The following MCF2L variants were observed in gnomAD, a reference collection of about 807,000 sequenced individuals.
MCF2L encodes the protein MCF.2 cell line derived transforming sequence like.
In MCF2L, 97 loss-of-function variants were observed where a neutral mutation model predicts 153.4. That is an observed-to-expected ratio of 0.63 (90% CI 0.54 to 0.75). The LOEUF is 0.75. Among genes scored for constraint, MCF2L ranks in the 30% least tolerant of loss-of-function variants. The probability of loss-of-function intolerance (pLI) is 0.00; values close to 1 mark genes in which losing one functional copy is unlikely to be tolerated. For missense variants in MCF2L, 1,347 were observed against 1,495.2 expected, an observed-to-expected ratio of 0.90 and a Z score of 1.64; for synonymous variants, 659 against 632.2, an observed-to-expected ratio of 1.04 and a Z score of -0.64.
chr13:113,039,192 C>T (rs1339692297), intron 3 of MCF2L, among the ~76,000 whole-genome samples: 2 of 152,164 alleles, frequency 1.3e-5, no homozygotes, highest in Non-Finnish European at 2.9e-5. Context: ...TTAAGTGATA[C>T]TGTAGCACAG....
At chr13:112,987,566 G>A (rs995878246) in intron 1 of MCF2L, among the ~76,000 whole-genome samples, 5 of 152,260 alleles carry the variant, frequency 3.3e-5, no homozygotes, top group Non-Finnish European at 7.3e-5. Flanking sequence ...GACTAAGGAG[G>A]AGGCCGGGTG....
At chr13:112,979,601 T>C (rs2082330545) in intron 1 of MCF2L, 1 of 1,604,610 alleles carries the variant, frequency 6.2e-7, no homozygotes, top group Non-Finnish European at 8.5e-7. Flanking sequence ...GGGGGTCGCC[T>C]GTGGTCCCTG....
rs2032809320 is a variant in MCF2L at position 113,070,593 on chromosome 13, C to T, written c.996+420C>T. ...CAGTGCAGCCAGACCCAGACGTCTCCCTCCTGCGGCCCTTCGTGGACTCAC... is the reference window on the plus strand; with the variant it reads ...CAGTGCAGCCAGACCCAGACGTCTCTCTCCTGCGGCCCTTCGTGGACTCAC... On this transcript the variant is annotated intron_variant, in intron 9 of 29. Coordinates refer to ENST00000535094, the MANE Select transcript of MCF2L (RefSeq NM_001112732.3). The surrounding 1 kb of genome is among the most constrained non-coding windows in gnomAD (Gnocchi z 5.6). Among the ~76,000 whole-genome samples the T allele has an allele frequency of 6.6e-6, 1 of 152,158 alleles. No individual in the cohort carries two copies. Among genetic ancestry groups the T allele is most frequent in the South Asian group, 2.1e-4 (1 of 4,834 alleles).
Position 113,046,699 on chromosome 13 carries a change from C to T in MCF2L, c.369+1338C>T. ...TCTCATCGAAGTCTTTAGGATGAGG[C>T]ATCTCCTTGCACCCCCACGGCACCT... On this transcript the variant is annotated intron_variant, in intron 4 of 29. Coordinates refer to ENST00000535094, the MANE Select transcript of MCF2L (RefSeq NM_001112732.3). The surrounding 1 kb of genome is among the most constrained non-coding windows in gnomAD (Gnocchi z 4.4). The T allele has an allele frequency of 1.9e-6, 1 of 528,302 alleles. No homozygotes were observed. The highest frequency in any genetic ancestry group is 3.9e-6 in the Non-Finnish European group (1 of 257,152). The allele number at this position is 528,302 out of a possible 1,614,324, so 32.7% of individuals were successfully genotyped here. A position where few individuals can be genotyped will look rare whatever the true frequency, so the allele number is the denominator to read the frequency against.
chr13:113,025,059 T>C (rs2085150702), intron 3 of MCF2L, among the ~76,000 whole-genome samples: 1 of 113,122 alleles, frequency 8.8e-6, no homozygotes, highest in African/African-American at 3.7e-5. Flanking sequence ...CCCGTGACTG[T>C]GGGTCGGGGC....
chr13:113,045,183 G>C lies in MCF2L; in HGVS notation c.279-88G>C. Reference sequence around the variant, plus strand: ...AATGGCATCATGAATATGGGGGATCGCTCTCCCAAGAGGTTTTCTGAGGGA... The same window carrying C: ...AATGGCATCATGAATATGGGGGATCCCTCTCCCAAGAGGTTTTCTGAGGGA... On this transcript the variant is annotated intron_variant, in intron 3 of 29. Coordinates refer to ENST00000535094, the MANE Select transcript of MCF2L (RefSeq NM_001112732.3). This position sits in a 1 kb window ranked among gnomAD's most constrained non-coding sequence, Gnocchi z 4.2. The C allele has an allele frequency of 8.9e-7, 1 of 1,118,624 alleles. No individual in the cohort carries two copies. The highest frequency in any genetic ancestry group is 1.4e-6 in the Non-Finnish European group (1 of 730,354). The allele number at this position is 1,118,624 out of a possible 1,614,324, so 69.3% of individuals were successfully genotyped here.
chr13:113,073,845 G>A (rs7995856), intron 9 of MCF2L, among the ~76,000 whole-genome samples: 3,530 of 151,948 alleles, frequency 0.023, 158 homozygotes, highest in African/African-American at 0.08. Context: ...AACCAGAGAG[G>A]CAGAGGTTAC....
rs753835628 is a variant in MCF2L at position 113,065,427 on chromosome 13, C to G, written c.756+342C>G. The G allele has an allele frequency of 9.3e-6, 3 of 322,238 alleles. No homozygotes were observed. The South Asian group carries it at 1.4e-4, about 15-fold the overall frequency. The allele number at this position is 322,238 out of a possible 1,614,324, so 20.0% of individuals were successfully genotyped here. On this transcript the variant is annotated intron_variant, in intron 7 of 29. Transcript: ENST00000535094. The stretch of plus-strand genomic sequence containing the variant: ...TCAGGAGCACTTTTGGCTGTCTGTG[C>G]GGGGAGCTCCCGAATAGACATCTCT...
Position 113,094,505 on chromosome 13 carries a change from C to T in MCF2L, c.2954-9C>T. 1 of 1,606,752 alleles carries T rather than the reference C, an allele frequency of 6.2e-7. No individual in the cohort carries two copies. Among genetic ancestry groups the T allele is most frequent in the Non-Finnish European group, 8.5e-7 (1 of 1,177,120 alleles). On this transcript the variant is annotated splice_polypyrimidine_tract_variant and intron_variant, in intron 26 of 29. Coordinates refer to ENST00000535094, the MANE Select transcript of MCF2L (RefSeq NM_001112732.3). The stretch of plus-strand genomic sequence containing the variant: ...CGGGGGGTCCCTCACGGGTGTCTGT[C>T]TCTCTTAGGTTGGAGCAAAACGTCC...
intron 2 of MCF2L, among the ~76,000 whole-genome samples, chr13:112,925,415 C>T (rs749277960): frequency 3.3e-5 from 5 of 152,168 alleles, no homozygotes; most frequent in South Asian, 4.1e-4. Context: ...TGTACGTGTA[C>T]GTATGTGGAC....
chr13:112,932,249 T>C lies in MCF2L; in HGVS notation c.169+29878T>C, dbSNP rs949140666. Among the ~76,000 whole-genome samples the C allele has an allele frequency of 6.6e-6, 1 of 152,156 alleles. No homozygotes were observed. The highest frequency in any genetic ancestry group is 2.4e-5 in the African/African-American group (1 of 41,442). On this transcript the variant is annotated intron_variant, in intron 2 of 29. Coordinates refer to the MCF2L transcript ENST00000375608. The surrounding 1 kb of genome is among the most constrained non-coding windows in gnomAD (Gnocchi z 4.6). ...GTAAGGCGTGACCGGGATGGCACTT[T>C]ACCTCTGTAGTCCTCCTCCCCAAGC...
chr13:113,050,287 A>AGTGT (rs74276773), intron 4 of MCF2L, among the ~76,000 whole-genome samples: 204 of 48,344 alleles, frequency 4.2e-3, no homozygotes, highest in African/African-American at 0.013. Context: ...TGTGAGTGTG[A>AGTGT]GAGTGTGTGT....
At chr13:113,047,524 G>T (rs1441634112) in intron 4 of MCF2L, among the ~76,000 whole-genome samples, 5 of 152,236 alleles carry the variant, frequency 3.3e-5, no homozygotes, top group Non-Finnish European at 5.9e-5. Flanking sequence ...CAGGCACGTC[G>T]TCGTTTAAAC....
At chr13:112,922,803 C>T (rs2081365719) in intron 2 of MCF2L, among the ~76,000 whole-genome samples, 1 of 152,202 alleles carries the variant, frequency 6.6e-6, no homozygotes, top group Non-Finnish European at 1.5e-5. Context: ...CCACTGCACT[C>T]CAGCGTGGGC....
At chr13:112,971,909 T>A (rs1437572949) in intron 1 of MCF2L, among the ~76,000 whole-genome samples, 1 of 152,264 alleles carries the variant, frequency 6.6e-6, no homozygotes, top group Non-Finnish European at 1.5e-5. Context: ...ATGGATCTAG[T>A]TGATTTAAGC....
chr13:112,949,909 G>A (rs2081674643), intron 2 of MCF2L, among the ~76,000 whole-genome samples: 1 of 146,570 alleles, frequency 6.8e-6, no homozygotes, highest in Non-Finnish European at 1.5e-5. Context: ...AATAAATCAA[G>A]AAAAATAAAA....
chr13:112,905,576 C>T (rs560318671), intron 2 of MCF2L, among the ~76,000 whole-genome samples: 1 of 152,122 alleles, frequency 6.6e-6, no homozygotes, highest in Non-Finnish European at 1.5e-5. Context: ...GTATCCAACA[C>T]CCCTGCCCCC....
intron 2 of MCF2L, among the ~76,000 whole-genome samples, chr13:113,016,606 C>CTGCTGCCCCCGCGTCATA (rs2084530811): frequency 6.6e-6 from 1 of 151,038 alleles, no homozygotes; most frequent in Non-Finnish European, 1.5e-5. Flanking sequence ...CCCTGTGGTA[C>CTGCTGCCCCCGCGTCATA]TGCTGCCCCC....
intron 24 of MCF2L, 65 bp downstream of exon 24, chr13:113,088,470 C>G (rs768575913): frequency 1.9e-6 from 3 of 1,606,970 alleles, no homozygotes; most frequent in Non-Finnish European, 2.6e-6. Flanking sequence ...TACCTATGTT[C>G]AGAGCAACCG....
Sources: allele counts gnomAD v4.1 joint callset (sites outside exome capture counted in the v4.1 genomes callset), GRCh38; gene constraint gnomAD v4.1.1; non-coding constraint Gnocchi (gnomAD v3.1); transcripts MANE v1.5; gene names NCBI Gene and HGNC (gene_info 2026-07-23, HGNC 2026-07-21).